The following NPY1R variants were observed in gnomAD, a reference collection of about 807,000 sequenced individuals.
NPY1R encodes neuropeptide Y receptor type 1.
A neutral mutation model predicts 24.1 loss-of-function variants in NPY1R; 10 were observed. The ratio of observed to expected loss-of-function variants is 0.42; its 90% confidence interval spans 0.26 to 0.71. NPY1R has a LOEUF of 0.71. Among genes scored for constraint, NPY1R ranks in the 30% least tolerant of loss-of-function variants. NPY1R has a pLI of 0.28. For missense variants in NPY1R, 350 were observed against 458.0 expected (o/e 0.76, Z 2.15); for synonymous variants, 168 against 165.9 (o/e 1.01, Z -0.10).
rs925483705 is a variant in NPY1R at position 163,325,729 on chromosome 4, G to A, written c.729C>T (p.Asn243=). 2.5e-6 allele frequency: 4 copies of A among 1,599,568 alleles called. No homozygotes were observed. The highest frequency in any genetic ancestry group is 3.4e-6 in the Non-Finnish European group (4 of 1,176,564). The stretch of plus-strand genomic sequence containing the variant: ...TATTGTCTCTCATCTTGTCCATCAT[G>A]TTGTTTCTCCTTTTTAGGCGTATAT... ...KIYIRLKRRN[N]MMDKMRDNKY... Residue 243 remains asparagine, a synonymous_variant, in exon 3 of 3, where the codon AAC becomes AAT. Transcript: ENST00000296533.
intron 1 of NPY1R, chr4:163,344,149 C>G (rs963360921): frequency 6.6e-6 from 1 of 152,498 alleles, no homozygotes. Context: ...TGTCGGGGGT[C>G]CCAAGAGAGC....
chr4:163,325,383 C>G lies in NPY1R; in HGVS notation c.1075G>C (p.Val359Leu). The change falls in exon 3 of 3, where the codon GTT becomes CTT. Residue 359 changes from valine to leucine, a missense_variant. Coordinates refer to ENST00000296533, the MANE Select transcript of NPY1R (RefSeq NM_000909.6). Reference protein sequence around the residue: ...TIAMSTMHTDVSKTSLKQASP... With the variant: ...TIAMSTMHTDLSKTSLKQASP... Reference sequence around the variant, plus strand: ...GCTTGCTTCAAAGAAGTTTTGGAAACATCTGTGTGCATCGTGGACATGGCT... The same window carrying G: ...GCTTGCTTCAAAGAAGTTTTGGAAAGATCTGTGTGCATCGTGGACATGGCT... 6.2e-7 allele frequency: 1 copy of G among 1,614,022 alleles called. No homozygotes were observed. The highest frequency in any genetic ancestry group is 8.5e-7 in the Non-Finnish European group (1 of 1,179,954).
chr4:163,331,911 G>C (rs561411519), intron 1 of NPY1R, among the ~76,000 whole-genome samples: 2 of 152,312 alleles, frequency 1.3e-5, no homozygotes, highest in African/African-American at 2.4e-5. Context: ...ACCCGCAAGT[G>C]GGGGTGGGCT....
chr4:163,328,303 A>G (rs1734654030), intron 1 of NPY1R, among the ~76,000 whole-genome samples: 1 of 152,222 alleles, frequency 6.6e-6, no homozygotes, highest in Admixed American at 6.5e-5. Flanking sequence ...TTTGTCTCTC[A>G]AGAATTCCAA....
At chr4:163,332,298 G>T (rs962957657) in intron 1 of NPY1R, among the ~76,000 whole-genome samples, 184 bp downstream of exon 1, 1 of 152,074 alleles carries the variant, frequency 6.6e-6, no homozygotes, top group Non-Finnish European at 1.5e-5. Flanking sequence ...ATACCCTTCG[G>T]CAGGAGCCCG....
upstream of NPY1R, among the ~76,000 whole-genome samples, chr4:163,337,468 C>T (rs908905292): frequency 6.6e-6 from 1 of 152,140 alleles, no homozygotes; most frequent in African/African-American, 2.4e-5. Context: ...GTATTTACCC[C>T]CTAACTTTCA....
Position 163,326,222 on chromosome 4 carries a change from C to T in NPY1R, c.333G>A (p.Ala111=), listed in dbSNP as rs375737343. Residue 111 remains alanine (A), a synonymous_variant, in exon 2 of 3, where the codon GCG becomes GCA. Coordinates refer to ENST00000296533, the MANE Select transcript of NPY1R (RefSeq NM_000909.6). ...TLMDHWVFGE[A]MCKLNPFVQC... Reference sequence around the variant, plus strand: ...GCACAAAAGGATTCAACTTACACATCGCCTCACCAAAGACCCAGTGGTCCA... The same window carrying T: ...GCACAAAAGGATTCAACTTACACATTGCCTCACCAAAGACCCAGTGGTCCA... 4.7e-5 allele frequency: 76 copies of T among 1,614,116 alleles called. No homozygotes were observed. Among genetic ancestry groups the T allele is most frequent in the Middle Eastern group, 3.3e-4 (2 of 6,062 alleles).
At chr4:163,340,419 T>C (rs4691076) in intron 1 of NPY1R, among the ~76,000 whole-genome samples, 91,598 of 151,730 alleles carry the variant, frequency 0.6, 30,763 homozygotes, top group Non-Finnish European at 0.75. Flanking sequence ...ACATGAAATA[T>C]AGTTAATACT....
rs1735001775 is a variant in NPY1R, at chr4:163,342,151, T to A, written c.-152+2154A>T. ...GCAGGTAGCCTTTTATTTTCAATAC[T>A]CTAATAACAGTGACTTCAACCTAAA... On this transcript the variant is annotated intron_variant, in intron 1 of 1. Transcript: ENST00000511901. 2.6e-5 allele frequency among the ~76,000 whole-genome samples: 4 copies of A among 152,344 alleles called. No individual in the cohort carries two copies. In the South Asian group the frequency reaches 8.3e-4, roughly 32 times the overall value.
rs774028390 is a variant in NPY1R, at chr4:163,326,463, T to C, written c.92A>G (p.Asp31Gly). The C allele has an allele frequency of 1.2e-6, 2 of 1,613,796 alleles. No individual in the cohort carries two copies. Among genetic ancestry groups the C allele is most frequent in the African/African-American group, 2.7e-5 (2 of 74,934 alleles). ...CATGGCCAAGGGCAGATGACAATCA[T>C]CATTTTCAAAAGCCAGAAGCTGGGC... is the stretch of plus-strand genomic sequence containing the variant. ...KNAQLLAFEN[D>G]DCHLPLAMIF... Residue 31 changes from aspartate (D) to glycine (G), a missense_variant, in exon 2 of 3, where the codon GAT (aspartate) becomes GGT (glycine). Physicochemically the swap from Asp to Gly is moderately conservative, Grantham distance 94 (BLOSUM62 -1). Coordinates refer to ENST00000296533, the MANE Select transcript of NPY1R (RefSeq NM_000909.6).
intron 1 of NPY1R, among the ~76,000 whole-genome samples, chr4:163,329,580 G>C (rs1472078133): frequency 6.6e-6 from 1 of 151,160 alleles, no homozygotes; most frequent in Non-Finnish European, 1.5e-5. Flanking sequence ...CAGCCTGGGT[G>C]ACAGAGCAAG....
chr4:163,336,375 G>A (rs2110811661), upstream of NPY1R, among the ~76,000 whole-genome samples: 1 of 152,192 alleles, frequency 6.6e-6, no homozygotes, highest in South Asian at 2.1e-4. Flanking sequence ...AAGGAGCTTT[G>A]CCACTGTTAC....
Position 163,325,355 on chromosome 4 carries a change from C to T in NPY1R, c.1103G>A (p.Ser368Asn). 2 of 1,613,824 alleles carry T rather than the reference C, an allele frequency of 1.2e-6. No homozygotes were observed. The highest frequency in any genetic ancestry group is 1.7e-6 in the Non-Finnish European group (2 of 1,179,892). The change falls in exon 3 of 3, where the codon AGC becomes AAC. Residue 368 changes from serine (S) to asparagine (N), a missense_variant. Transcript: ENST00000296533. ...DVSKTSLKQA[S>N]PVAFKKINNN... Reference sequence around the variant, plus strand: ...GTTGATTTTTTTAAATGCGACTGGGCTTGCTTGCTTCAAAGAAGTTTTGGA... The same window carrying T: ...GTTGATTTTTTTAAATGCGACTGGGTTTGCTTGCTTCAAAGAAGTTTTGGA...
At chr4:163,332,606 A>T (rs2110803877), upstream of NPY1R, 1 of 152,404 alleles carries the variant, frequency 6.6e-6, no homozygotes, top group South Asian at 2.1e-4. Context: ...TGATGAAGCT[A>T]GGAAGAGACG....
intron 1 of NPY1R, among the ~76,000 whole-genome samples, chr4:163,327,759 T>C (rs1003441669): frequency 3.9e-5 from 6 of 152,186 alleles, no homozygotes; most frequent in African/African-American, 7.2e-5. Flanking sequence ...TTTTCTCTTA[T>C]TAACAACACA....
chr4:163,337,821 T>A (rs945529995), upstream of NPY1R, among the ~76,000 whole-genome samples: 1 of 152,222 alleles, frequency 6.6e-6, no homozygotes, highest in African/African-American at 2.4e-5. Context: ...GAGTCACATC[T>A]TCCCTAGCTG....
At chr4:163,337,615 A>G (rs558548731), upstream of NPY1R, among the ~76,000 whole-genome samples, 13 of 152,334 alleles carry the variant, frequency 8.5e-5, no homozygotes, top group African/African-American at 3.1e-4. Context: ...TGCTCCTCTG[A>G]GGTGCTGTCC....
rs1380954519 is a variant in NPY1R, at chr4:163,326,087, A to G, written c.468T>C (p.Tyr156=). 1 of 1,614,150 alleles carries G rather than the reference A, an allele frequency of 6.2e-7. No individual in the cohort carries two copies. The highest frequency in any genetic ancestry group is 8.5e-7 in the Non-Finnish European group (1 of 1,179,978). Residue 156 remains tyrosine (Y), a synonymous_variant, in exon 2 of 3, where the codon TAT becomes TAC. Transcript: ENST00000296533. ...GGACCCAAATCACAGCAATACCTAC[A>G]TAAGCATGTCTATTATTTGGTCTCC... ...RGWRPNNRHA[Y]VGIAVIWVLA...
At chr4:163,329,034 G>A (rs1027252955) in intron 1 of NPY1R, among the ~76,000 whole-genome samples, 2 of 152,068 alleles carry the variant, frequency 1.3e-5, no homozygotes, top group African/African-American at 4.8e-5. Context: ...CCTTGAACAG[G>A]CAAAATGTAT....
Sources: allele counts gnomAD v4.1 joint callset (sites outside exome capture counted in the v4.1 genomes callset), GRCh38; gene constraint gnomAD v4.1.1; transcripts MANE v1.5; gene names NCBI Gene and HGNC (gene_info 2026-07-23, HGNC 2026-07-21).